NEK11: variants seen among roughly 807,000 people sequenced by gnomAD.
NEK11 encodes NIMA related kinase 11.
In NEK11, 72 loss-of-function variants were observed where a neutral mutation model predicts 80.7. The ratio of observed to expected loss-of-function variants is 0.89; its 90% CI spans 0.74 to 1.08. The LOEUF (loss-of-function observed/expected upper bound fraction) is 1.08, where lower values mean the gene tolerates loss of function less well. Ranked by LOEUF, NEK11 falls within the 50% of genes least tolerant of loss-of-function variation. The probability of loss-of-function intolerance (pLI) is 0.00; values close to 1 mark genes in which losing one functional copy is unlikely to be tolerated. For synonymous variants in NEK11, 251 were observed against 260.7 expected, an observed-to-expected ratio of 0.96 and a Z score of 0.36; for missense variants, 764 against 763.6, an observed-to-expected ratio of 1.00 and a Z score of -0.01.
chr3:131,238,717 C>G (rs550841874), intron 15 of NEK11, among the ~76,000 whole-genome samples: 1 of 152,098 alleles, frequency 6.6e-6, no homozygotes, highest in African/African-American at 2.4e-5. Context: ...AGGGAAAGCT[C>G]CAGGTCATGA....
At chr3:131,054,916 C>T (rs2069160739) in intron 3 of NEK11, among the ~76,000 whole-genome samples, 1 of 152,104 alleles carries the variant, frequency 6.6e-6, no homozygotes, top group South Asian at 2.1e-4. Flanking sequence ...TTCTAAGGTA[C>T]AGTTGGGCAG....
chr3:131,216,202 T>C (rs921770313), intron 14 of NEK11, among the ~76,000 whole-genome samples: 4 of 152,132 alleles, frequency 2.6e-5, no homozygotes, highest in Non-Finnish European at 5.9e-5. Flanking sequence ...ATATGAGAAC[T>C]ATCTGGAAAG....
intron 17 of NEK11, among the ~76,000 whole-genome samples, chr3:131,304,367 A>G (rs1329608988): frequency 1.3e-5 from 2 of 152,140 alleles, no homozygotes; most frequent in African/African-American, 4.8e-5. Flanking sequence ...CTGAATCTCA[A>G]TGATCTTTTC....
intron 17 of NEK11, chr3:131,325,272 T>C (rs1475866301): frequency 6.6e-6 from 1 of 152,124 alleles, no homozygotes; most frequent in Non-Finnish European, 1.5e-5. Context: ...ATTTCAACAA[T>C]TTTGAGCAAA....
chr3:131,311,817 T>C (rs1274111597), intron 17 of NEK11, among the ~76,000 whole-genome samples: 1 of 152,220 alleles, frequency 6.6e-6, no homozygotes, highest in African/African-American at 2.4e-5. Context: ...AATCTAGTGA[T>C]AAACATCCCA....
intron 17 of NEK11, among the ~76,000 whole-genome samples, chr3:131,277,285 A>G (rs568594342): frequency 6.6e-6 from 1 of 152,302 alleles, no homozygotes; most frequent in Non-Finnish European, 1.5e-5. Flanking sequence ...AGTCCTATTC[A>G]TCATATGTTA....
At chr3:131,051,325 G>T (rs1248299920) in intron 3 of NEK11, among the ~76,000 whole-genome samples, 1 of 152,148 alleles carries the variant, frequency 6.6e-6, no homozygotes, top group Non-Finnish European at 1.5e-5. Flanking sequence ...TCATTTCAGT[G>T]TTGTGGCATT....
chr3:131,288,450 C>CTTTCT (rs536834704), intron 17 of NEK11, among the ~76,000 whole-genome samples: 11 of 115,394 alleles, frequency 9.5e-5, no homozygotes, highest in African/African-American at 1.9e-4. Context: ...TTCTTTCTTT[C>CTTTCT]TTTTTTTTTT....
chr3:131,315,469 G>A lies in NEK11; in HGVS notation c.1719-34088G>A, dbSNP rs574120781. 9.4e-5 allele frequency among the ~76,000 whole-genome samples: 9 copies of A among 96,128 alleles called. No individual in the cohort carries two copies. The South Asian group carries it at 2.5e-3, about 27-fold the overall frequency. 63.1% of individuals were successfully genotyped at this position (96,128 alleles called of 152,430 possible). ...CTTTTTAAAGCTGAATAATATTCCT[G>A]TGTGTGTGTGTGTGTGTGTGTGTGT... On this transcript the variant is annotated intron_variant, in intron 17 of 17. Transcript: ENST00000383366.
chr3:131,265,399 A>T (rs2096029787), intron 16 of NEK11, among the ~76,000 whole-genome samples: 1 of 152,164 alleles, frequency 6.6e-6, no homozygotes, highest in Non-Finnish European at 1.5e-5. Flanking sequence ...ATCAAAACTT[A>T]GTTTATCGAG....
At chr3:131,283,030 G>A (rs1399647640) in intron 17 of NEK11, among the ~76,000 whole-genome samples, 1 of 152,176 alleles carries the variant, frequency 6.6e-6, no homozygotes, top group Admixed American at 6.5e-5. Context: ...CCTGTGAGGT[G>A]CGGAGGATTC....
intron 4 of NEK11, among the ~76,000 whole-genome samples, chr3:131,103,462 C>CCTTCTTT (rs758736329): frequency 6.6e-6 from 1 of 152,182 alleles, no homozygotes; most frequent in Non-Finnish European, 1.5e-5. Context: ...GTAGTTTGGG[C>CCTTCTTT]TGCAATCCAG....
intron 17 of NEK11, among the ~76,000 whole-genome samples, chr3:131,338,265 G>GTTTTTTTTTTTTTTTTTTTTTTTTT (rs1554023900): frequency 1.1e-5 from 1 of 91,608 alleles, no homozygotes; most frequent in Non-Finnish European, 1.9e-5. Context: ...GCGCCCAGCT[G>GTTTTTTTTTTTTTTTTTTTTTTTTT]GTTTTTTTTT....
intron 10 of NEK11, among the ~76,000 whole-genome samples, chr3:131,158,842 G>T (rs115725916): frequency 1.6e-4 from 24 of 152,326 alleles, no homozygotes; most frequent in South Asian, 1.0e-3. Flanking sequence ...GGATGGATCT[G>T]CTGCCACCAT....
At chr3:131,063,191 A>AT (rs2071236278) in intron 3 of NEK11, among the ~76,000 whole-genome samples, 1 of 151,986 alleles carries the variant, frequency 6.6e-6, no homozygotes, top group African/African-American at 2.4e-5. Context: ...CGCCCAGCTA[A>AT]TTTTTTTACT....
chr3:131,341,702 C>A (rs1346124860), intron 17 of NEK11, among the ~76,000 whole-genome samples: 4 of 152,008 alleles, frequency 2.6e-5, no homozygotes, highest in Non-Finnish European at 4.4e-5. Flanking sequence ...ATTTAGAATT[C>A]TTTTTTTCTT....
At chr3:131,116,188 A>G (rs903083792) in intron 5 of NEK11, among the ~76,000 whole-genome samples, 3 of 151,424 alleles carry the variant, frequency 2.0e-5, no homozygotes, top group Non-Finnish European at 4.4e-5. Context: ...AAGTGTTCTC[A>G]TTGTTCAGTT....
chr3:131,243,488 C>T lies in NEK11; in HGVS notation c.1613C>T (p.Thr538Ile), dbSNP rs1188451698. The T allele has an allele frequency of 5.6e-6, 9 of 1,612,366 alleles. No individual in the cohort carries two copies. The South Asian group carries it at 9.9e-5, about 18-fold the overall frequency. Reference sequence around the variant, plus strand: ...TGTTTGGAAAATGTCCTGGGTTGCACTTCTCTAGGTGAGTAAGTTCCTTTA... The same window carrying T: ...TGTTTGGAAAATGTCCTGGGTTGCATTTCTCTAGGTGAGTAAGTTCCTTTA... ...ARCLENVLGC[T>I]SLDTKTITTM... The change falls in exon 16 of 18, where the codon ACT becomes ATT. Residue 538 changes from threonine to isoleucine, a missense_variant. Thr to Ile is a moderately conservative substitution (Grantham distance 89). Transcript: ENST00000383366.
At chr3:131,091,902 G>A (rs918976602) in intron 4 of NEK11, among the ~76,000 whole-genome samples, 1 of 152,188 alleles carries the variant, frequency 6.6e-6, no homozygotes, top group Non-Finnish European at 1.5e-5. Context: ...GGACACAAAA[G>A]CAAACCAGAG....
Sources: allele counts gnomAD v4.1 joint callset (sites outside exome capture counted in the v4.1 genomes callset), GRCh38; gene constraint gnomAD v4.1.1; transcripts MANE v1.5; gene names NCBI Gene and HGNC (gene_info 2026-07-23, HGNC 2026-07-21).